Variants in RAB22A observed in about 807,000 individuals in gnomAD.
The protein encoded by RAB22A is ras-related protein Rab-22A.
In RAB22A, 13 loss-of-function variants were observed where a neutral mutation model predicts 30.2. The observed-to-expected ratio is 0.43, with a 90% CI of 0.28 to 0.68. RAB22A has a LOEUF of 0.68. RAB22A is among the 30% of genes least tolerant of loss of function. The pLI, the probability that RAB22A is intolerant of heterozygous loss-of-function variation, is 0.18. For synonymous variants in RAB22A, 89 were observed against 87.2 expected (o/e 1.02, Z -0.11); for missense variants, 177 against 246.8 (o/e 0.72, Z 1.89).
At chr20:58,355,834 CA>C (rs907443298) in intron 6 of RAB22A, among the ~76,000 whole-genome samples, 26 of 152,020 alleles carry the variant, frequency 1.7e-4, no homozygotes, top group African/African-American at 6.3e-4. Context: ...CTTAAAAAAA[CA>C]AAAATCATGT....
At position 58,325,563 on chromosome 20, in the gene RAB22A, A is replaced by G. The variant is rs1042593281; in HGVS notation, c.116+14441A>G. On this transcript the variant is annotated intron_variant, in intron 2 of 6. Transcript: ENST00000244040. ...TCATTTCATCATCATTCAGTTCAGAATATTTTCCAGTTTCTATTTTGATTT... is the reference window on the plus strand; with the variant it reads ...TCATTTCATCATCATTCAGTTCAGAGTATTTTCCAGTTTCTATTTTGATTT... Among the ~76,000 whole-genome samples, 7 of 152,144 alleles carry G rather than the reference A, an allele frequency of 4.6e-5. No individual in the cohort carries two copies. The South Asian group carries it at 1.2e-3, about 27-fold the overall frequency.
intron 2 of RAB22A, among the ~76,000 whole-genome samples, chr20:58,314,167 G>A (rs1263526051): frequency 4.0e-5 from 6 of 151,548 alleles, no homozygotes; most frequent in South Asian, 2.1e-4. Flanking sequence ...TCCTGCCTCA[G>A]CCTCCCATAT....
At chr20:58,341,035 A>G (rs186032070) in intron 2 of RAB22A, among the ~76,000 whole-genome samples, 2 of 152,226 alleles carry the variant, frequency 1.3e-5, no homozygotes, top group Non-Finnish European at 2.9e-5. Context: ...GCATTGACAC[A>G]TGAGCCAAAG....
intron 1 of RAB22A, among the ~76,000 whole-genome samples, chr20:58,310,345 A>C (rs1419174913): frequency 1.3e-5 from 2 of 152,042 alleles, no homozygotes; most frequent in African/African-American, 4.8e-5. Flanking sequence ...CCAAGGTATT[A>C]GTTGGGAGTT....
At chr20:58,336,542 C>T (rs889562282) in intron 2 of RAB22A, among the ~76,000 whole-genome samples, 3 of 152,082 alleles carry the variant, frequency 2.0e-5, no homozygotes, top group Non-Finnish European at 4.4e-5. Flanking sequence ...AAAAATAAAA[C>T]TAGTTCATGA....
At chr20:58,357,303 C>G (rs1002673418) in intron 6 of RAB22A, among the ~76,000 whole-genome samples, 2 of 152,146 alleles carry the variant, frequency 1.3e-5, no homozygotes, top group African/African-American at 4.8e-5. Flanking sequence ...TGCCTGTTTT[C>G]CTGTTGGGTT....
intron 1 of RAB22A, 67 bp from the exon 2 acceptor site, chr20:58,310,976 C>T: frequency 7.7e-7 from 1 of 1,293,782 alleles, no homozygotes; most frequent in South Asian, 1.2e-5. Flanking sequence ...ACTTATGCCA[C>T]AAAGTAGTTT....
intron 2 of RAB22A, among the ~76,000 whole-genome samples, chr20:58,325,102 G>T (rs1986540868): frequency 6.7e-6 from 1 of 150,166 alleles, no homozygotes; most frequent in Non-Finnish European, 1.5e-5. Context: ...GCTTAAACCT[G>T]GGAGTCGGAG....
At chr20:58,359,580 C>G in intron 6 of RAB22A, 26 bp from the exon 7 acceptor site, 1 of 1,547,280 alleles carries the variant, frequency 6.5e-7, no homozygotes. Flanking sequence ...AAGCTCACTC[C>G]CTTCCCTTTT....
At chr20:58,339,817 A>C (rs1446641698) in intron 2 of RAB22A, among the ~76,000 whole-genome samples, 2 of 152,158 alleles carry the variant, frequency 1.3e-5, no homozygotes, top group Admixed American at 1.3e-4. Context: ...ACTAAAATCA[A>C]GCAGATTTGG....
chr20:58,316,473 A>G (rs188548939), intron 2 of RAB22A, among the ~76,000 whole-genome samples: 57 of 152,190 alleles, frequency 3.7e-4, no homozygotes, highest in Admixed American at 2.8e-3. Context: ...TCAGACATGC[A>G]TGTCTCTGGT....
At chr20:58,342,322 G>T (rs1448968731) in intron 2 of RAB22A, among the ~76,000 whole-genome samples, 5 of 152,142 alleles carry the variant, frequency 3.3e-5, no homozygotes, top group Non-Finnish European at 5.9e-5. Flanking sequence ...ATATGATCTT[G>T]CCTCCTAATT....
At chr20:58,343,856 A>G in intron 3 of RAB22A, 57 bp downstream of exon 3, 1 of 1,338,094 alleles carries the variant, frequency 7.5e-7, no homozygotes, top group Non-Finnish European at 1.1e-6. Flanking sequence ...AGTTCCAACT[A>G]AACTGTCAGC....
chr20:58,319,699 G>A (rs113147502), intron 2 of RAB22A, among the ~76,000 whole-genome samples: 3 of 152,228 alleles, frequency 2.0e-5, no homozygotes, highest in African/African-American at 7.2e-5. Flanking sequence ...TATATTCACC[G>A]TTAATGTAGG....
intron 5 of RAB22A, 99 bp downstream of exon 5, chr20:58,353,637 C>T (rs2122968540): frequency 1.9e-6 from 2 of 1,070,262 alleles, no homozygotes; most frequent in East Asian, 2.6e-5. Flanking sequence ...TTATCTCTGA[C>T]ATTGAAAAAT....
chr20:58,329,055 C>CA (rs1361488425), intron 2 of RAB22A, among the ~76,000 whole-genome samples: 1 of 110,132 alleles, frequency 9.1e-6, no homozygotes, highest in Non-Finnish European at 1.8e-5. Context: ...TTGCATATTC[C>CA]CTTTTTTTTT....
chr20:58,315,520 TATCTGCGC>T (rs1241434840), intron 2 of RAB22A, among the ~76,000 whole-genome samples: 1 of 151,500 alleles, frequency 6.6e-6, no homozygotes, highest in Non-Finnish European at 1.5e-5. Flanking sequence ...GCAGGGAGAA[TATCTGCGC>T]AAGTGACAGG....
rs1362571821 is a variant in RAB22A at position 58,309,910 on chromosome 20, T to G, written c.-67T>G. The G allele has an allele frequency of 4.8e-6, 6 of 1,242,588 alleles. No individual in the cohort carries two copies. In the East Asian group the frequency reaches 1.3e-4, roughly 26 times the overall value. 77.0% of individuals were successfully genotyped at this position (1,242,588 alleles called of 1,614,324 possible). A position where few individuals can be genotyped will look rare whatever the true frequency, so the allele number is the denominator to read the frequency against. Reference sequence around the variant, plus strand: ...CGGCAGCGGCGCCAGGGGATGCTCTTGCTGGGCCTGGCCTCTCCCTTCTCA... The same window carrying G: ...CGGCAGCGGCGCCAGGGGATGCTCTGGCTGGGCCTGGCCTCTCCCTTCTCA... On this transcript the variant is annotated 5_prime_UTR_variant, in exon 1 of 7. Coordinates refer to ENST00000244040, the MANE Select transcript of RAB22A (RefSeq NM_020673.3).
At chr20:58,352,907 G>A (rs1056935044) in intron 3 of RAB22A, among the ~76,000 whole-genome samples, 1 of 152,158 alleles carries the variant, frequency 6.6e-6, no homozygotes, top group Admixed American at 6.5e-5. Flanking sequence ...ACTATTTATA[G>A]CATTATTTTT....
Sources: allele counts gnomAD v4.1 joint callset (sites outside exome capture counted in the v4.1 genomes callset), GRCh38; gene constraint gnomAD v4.1.1; transcripts MANE v1.5; gene names NCBI Gene and HGNC (gene_info 2026-07-23, HGNC 2026-07-21).